RPS8: variants seen among roughly 807,000 people sequenced by gnomAD.
The protein encoded by RPS8 is ribosomal protein S8.
For missense variants in RPS8, 141 were observed against 269.7 expected (o/e 0.52, Z 3.34); for synonymous variants, 100 against 100.7 (o/e 0.99, Z 0.04).
chr1:44,776,192 C>A, intron 2 of RPS8, 52 bp downstream of exon 2: 1 of 1,321,154 alleles, frequency 7.6e-7, no homozygotes. Context: ...CCCCCGCTCT[C>A]CAGCGTGCTC....
At position 44,777,596 on chromosome 1, in the gene RPS8, A is replaced by G. The variant is rs557670792; in HGVS notation, c.212-18A>G. 3.6e-5 allele frequency: 58 copies of G among 1,607,416 alleles called. No homozygotes were observed. The highest frequency in any genetic ancestry group is 4.4e-5 in the Non-Finnish European group (52 of 1,175,112). On this transcript the variant is annotated intron_variant, in intron 3 of 5. Coordinates refer to ENST00000396651, the MANE Select transcript of RPS8 (RefSeq NM_001012.2). ...TTGTCCTCCAGTTTACTTGATGCCA[A>G]ATTTCTCCTGTGAGCAGGTTGTACT...
In RPS8 at chr1:44,777,666, C is replaced by T. The variant is rs141076332; in HGVS notation, c.264C>T (p.Asn88=). The change falls in exon 4 of 6, where the codon AAC becomes AAT. Residue 88 remains asparagine (N), a synonymous_variant. Transcript: ENST00000396651. ...ATGTTGTCTACAATGCATCTAATAA[C>T]GAGCTGGTTCGTACCAAGACCCTGG... is the stretch of plus-strand genomic sequence containing the variant. ...IIDVVYNASN[N]ELVRTKTLVK... 145 of 1,613,902 alleles carry T rather than the reference C, an allele frequency of 9.0e-5. 1 individual carries two copies. The highest frequency in any genetic ancestry group is 3.1e-4 in the African/African-American group (23 of 75,056).
chr1:44,775,586 A>T lies in RPS8; in HGVS notation c.-11A>T. On this transcript the variant is annotated 5_prime_UTR_variant, in exon 1 of 6. Coordinates refer to ENST00000396651, the MANE Select transcript of RPS8 (RefSeq NM_001012.2). ...ATCTTTGCGGTTTCTCTTTCCAGCCAGCGCCGAGCGATGGGTGAGTGTCGC... is the reference window on the plus strand; with the variant it reads ...ATCTTTGCGGTTTCTCTTTCCAGCCTGCGCCGAGCGATGGGTGAGTGTCGC... 1 of 1,614,138 alleles carries T rather than the reference A, an allele frequency of 6.2e-7. No individual in the cohort carries two copies. Among genetic ancestry groups the T allele is most frequent in the Non-Finnish European group, 8.5e-7 (1 of 1,179,992 alleles).
Position 44,777,997 on chromosome 1 carries a change from C to G in RPS8, c.388-3C>G. 1 of 1,613,610 alleles carries G rather than the reference C, an allele frequency of 6.2e-7. No individual in the cohort carries two copies. Among genetic ancestry groups the G allele is most frequent in the Admixed American group, 1.7e-5 (1 of 59,916 alleles). ...AGCTCATATATTTGTATCCCCTTTT[C>G]AGACTCCTGAGGAAGAAGAGATTTT... On this transcript the variant is annotated splice_region_variant and splice_polypyrimidine_tract_variant and intron_variant, in intron 4 of 5. Transcript: ENST00000396651.
chr1:44,778,707 A>C lies in RPS8; in HGVS notation c.*22A>C. On this transcript the variant is annotated 3_prime_UTR_variant, in exon 6 of 6. Transcript: ENST00000396651. ...ATAAATCCTTGTTTTGTCTTCACCC[A>C]TGTAATAAAGGTGTTTATTGTTTTG... 1 of 1,489,808 alleles carries C rather than the reference A, an allele frequency of 6.7e-7. No homozygotes were observed. The highest frequency in any genetic ancestry group is 9.3e-7 in the Non-Finnish European group (1 of 1,077,730). The allele number at this position is 1,489,808 out of a possible 1,614,324, so 92.3% of individuals were successfully genotyped here.
At position 44,776,250 on chromosome 1, in the gene RPS8, C is replaced by A. The variant is rs79435752; in HGVS notation, c.111+110C>A. Reference sequence around the variant, plus strand: ...TGCGTTCTTTCTTGGGCTCTGATTTCTCTGTAGTAGGGCCTGGGTGTCCTG... The same window carrying A: ...TGCGTTCTTTCTTGGGCTCTGATTTATCTGTAGTAGGGCCTGGGTGTCCTG... On this transcript the variant is annotated intron_variant, in intron 2 of 5. Coordinates refer to ENST00000396651, the MANE Select transcript of RPS8 (RefSeq NM_001012.2). 5.1e-3 allele frequency: 3,933 copies of A among 774,020 alleles called. 26 individuals are homozygous for A. Among genetic ancestry groups the A allele is most frequent in the Non-Finnish European group, 6.9e-3 (3,289 of 477,566 alleles). The allele number at this position is 774,020 out of a possible 1,614,324, so 47.9% of individuals were successfully genotyped here.
intron 1 of RPS8, chr1:44,775,805 G>GCGGGCTC (rs1650826191): frequency 1.8e-5 from 15 of 819,214 alleles, no homozygotes; most frequent in Admixed American, 7.2e-5. Flanking sequence ...GCCGCGGGCT[G>GCGGGCTC]CGGGCTCCGA....
intron 1 of RPS8, 151 bp from the exon 2 acceptor site, chr1:44,775,883 G>T (rs540785279): frequency 3.5e-6 from 3 of 848,540 alleles, no homozygotes; most frequent in South Asian, 2.7e-5. Context: ...TGACAACTCG[G>T]TAATGCTGCA....
At chr1:44,777,460 G>A in intron 3 of RPS8, 154 bp from the exon 4 acceptor site, 1 of 648,496 alleles carries the variant, frequency 1.5e-6, no homozygotes, top group Non-Finnish European at 2.8e-6. Context: ...GTGGGTTAGG[G>A]GGTTGTGGAA....
intron 1 of RPS8, 188 bp downstream of exon 1, chr1:44,775,788 G>A (rs1486879994): frequency 1.1e-6 from 1 of 881,384 alleles, no homozygotes; most frequent in Non-Finnish European, 1.8e-6. Context: ...TGGGCTCCGG[G>A]TTCCGGGCCG....
chr1:44,778,188 T>A, intron 5 of RPS8, 59 bp downstream of exon 5: 1 of 1,582,562 alleles, frequency 6.3e-7, no homozygotes, highest in East Asian at 2.2e-5. Flanking sequence ...GCCGAGGCAC[T>A]TTTCCCTTGT....
At position 44,777,522 on chromosome 1, in the gene RPS8, C is replaced by G. The variant is rs777196185; in HGVS notation, c.212-92C>G. 34 of 1,015,170 alleles carry G rather than the reference C, an allele frequency of 3.3e-5. 1 individual carries two copies. Among genetic ancestry groups the G allele is most frequent in the Non-Finnish European group, 5.0e-5 (33 of 661,784 alleles). 62.9% of individuals were successfully genotyped at this position (1,015,170 alleles called of 1,614,324 possible). A position where few individuals can be genotyped will look rare whatever the true frequency, so the allele number is the denominator to read the frequency against. Reference sequence around the variant, plus strand: ...AAGGCTGAGAGTTCCCTTATTTCTCCTTAAGGCCTCATGGGGCTGAAGAAC... The same window carrying G: ...AAGGCTGAGAGTTCCCTTATTTCTCGTTAAGGCCTCATGGGGCTGAAGAAC... On this transcript the variant is annotated intron_variant, in intron 3 of 5. Transcript: ENST00000396651.
chr1:44,776,854 G>T, intron 3 of RPS8, 80 bp downstream of exon 3: 1 of 1,086,480 alleles, frequency 9.2e-7, no homozygotes. Context: ...TGGCGCGGTG[G>T]CTCACGCCTA....
At chr1:44,777,555 A>AGT in intron 3 of RPS8, 59 bp from the exon 4 acceptor site, 1 of 1,378,422 alleles carries the variant, frequency 7.3e-7, no homozygotes, top group Non-Finnish European at 1.0e-6. Context: ...AACCTGGAGG[A>AGT]GTGTGCCAGG....
intron 5 of RPS8, 108 bp from the exon 6 acceptor site, chr1:44,778,468 T>C (rs1220471284): frequency 1.1e-6 from 1 of 915,006 alleles, no homozygotes; most frequent in Non-Finnish European, 1.8e-6. Flanking sequence ...ACAGCTGGCT[T>C]CATGCTTGCC....
At position 44,777,742 on chromosome 1, in the gene RPS8, G is replaced by C; in HGVS notation, c.340G>C (p.Glu114Gln). Residue 114 changes from glutamate (E) to glutamine (Q), a missense_variant, in exon 4 of 6, where the codon GAG (glutamate) becomes CAG (glutamine). Transcript: ENST00000396651. The part of the protein sequence containing the change: ...IDSTPYRQWY[E>Q]SHYALPLGRK... ...CAGCACACCGTACCGACAGTGGTAC[G>C]AGTCCCACTATGCGCTGCCCCTGGG... 2 of 1,614,074 alleles carry C rather than the reference G, an allele frequency of 1.2e-6. No individual in the cohort carries two copies. Among genetic ancestry groups the C allele is most frequent in the East Asian group, 2.2e-5 (1 of 44,874 alleles).
At chr1:44,777,270 C>G (rs2148843120) in intron 3 of RPS8, 1 of 238,402 alleles carries the variant, frequency 4.2e-6, no homozygotes. Context: ...GGGGTTTCAC[C>G]ATGTTGGCCA....
At position 44,777,751 on chromosome 1, in the gene RPS8, T is replaced by C; in HGVS notation, c.349T>C (p.Tyr117His). Residue 117 changes from tyrosine (Y) to histidine (H), a missense_variant, in exon 4 of 6, where the codon TAT (tyrosine) becomes CAT (histidine). Tyr to His is a moderately conservative substitution (Grantham distance 83, BLOSUM62 2). Transcript: ENST00000396651. ...TPYRQWYESHYALPLGRKKGA... is the reference protein window; with the variant it reads ...TPYRQWYESHHALPLGRKKGA... ...GTACCGACAGTGGTACGAGTCCCAC[T>C]ATGCGCTGCCCCTGGGCCGCAAGAA... The C allele has an allele frequency of 3.7e-6, 6 of 1,614,192 alleles. No individual in the cohort carries two copies. Among genetic ancestry groups the C allele is most frequent in the Non-Finnish European group, 5.1e-6 (6 of 1,180,000 alleles).
intron 1 of RPS8, chr1:44,775,809 G>A: frequency 2.5e-6 from 2 of 795,206 alleles, no homozygotes; most frequent in Non-Finnish European, 4.2e-6. Context: ...CGGGCTGCGG[G>A]CTCCGAGCGG....
Sources: gnomAD v4.1 joint callset for allele counts on GRCh38, gnomAD v4.1.1 for gene constraint, MANE v1.5 for transcripts, NCBI Gene and HGNC (gene_info 2026-07-23, HGNC 2026-07-21) for gene names.